Variants in KIF21A observed in about 807,000 individuals in gnomAD.
The protein encoded by KIF21A is kinesin family member 21A, also known as kinesin-like protein KIF21A.
KIF21A carries 114 observed loss-of-function variants against 202.9 expected under a neutral mutation model. The observed-to-expected ratio is 0.56, with a 90% CI of 0.48 to 0.66. The LOEUF (loss-of-function observed/expected upper bound fraction) is 0.66, where lower values mean the gene tolerates loss of function less well. KIF21A is among the 30% of genes least tolerant of loss of function. The pLI is 0.00. For synonymous variants in KIF21A, 667 were observed against 670.8 expected, an observed-to-expected ratio of 0.99 and a Z score of 0.09; for missense variants, 1,677 against 1,994.9, an observed-to-expected ratio of 0.84 and a Z score of 3.04.
chr12:39,383,485 T>C (rs972745860), intron 1 of KIF21A, among the ~76,000 whole-genome samples: 1 of 152,140 alleles, frequency 6.6e-6, no homozygotes, highest in Non-Finnish European at 1.5e-5. Context: ...TAGGAAGAAA[T>C]CCTCCTAGAG....
intron 1 of KIF21A, among the ~76,000 whole-genome samples, chr12:39,417,059 C>A (rs1176514532): frequency 6.6e-6 from 1 of 151,586 alleles, no homozygotes; most frequent in Non-Finnish European, 1.5e-5. Flanking sequence ...CCAGAACTAG[C>A]ATGAAGGCCA....
intron 15 of KIF21A, 83 bp downstream of exon 15, chr12:39,340,823 T>A: frequency 1.0e-6 from 1 of 972,012 alleles, no homozygotes; most frequent in East Asian, 2.6e-5. Flanking sequence ...ACGGCTTCTA[T>A]TTTTTTTCTT....
intron 4 of KIF21A, 84 bp from the exon 5 acceptor site, chr12:39,367,248 C>G: frequency 2.8e-6 from 4 of 1,420,154 alleles, no homozygotes; most frequent in Non-Finnish European, 4.0e-6. Context: ...ATGGCTAAAA[C>G]CCACCATGTT....
intron 1 of KIF21A, among the ~76,000 whole-genome samples, chr12:39,396,596 A>T (rs1951776568): frequency 6.6e-6 from 1 of 152,172 alleles, no homozygotes; most frequent in South Asian, 2.1e-4. Context: ...TTGCGCACTA[A>T]ATTATTATAT....
At chr12:39,353,427 C>T (rs192605136) in intron 10 of KIF21A, among the ~76,000 whole-genome samples, 1 of 152,072 alleles carries the variant, frequency 6.6e-6, no homozygotes, top group East Asian at 1.9e-4. Context: ...GTGCAAACTT[C>T]TAGGTTAATT....
intron 11 of KIF21A, among the ~76,000 whole-genome samples, chr12:39,347,229 A>G (rs1592263809): frequency 1.3e-5 from 2 of 151,532 alleles, no homozygotes; most frequent in East Asian, 3.9e-4. Context: ...CTATAAAGCA[A>G]CAGTGGCAAA....
chr12:39,427,115 C>T (rs1954826590), intron 1 of KIF21A, among the ~76,000 whole-genome samples: 1 of 152,090 alleles, frequency 6.6e-6, no homozygotes, highest in African/African-American at 2.4e-5. Context: ...TGCATTTCCC[C>T]ATCAAACTAT....
chr12:39,340,016 A>T (rs752258332), intron 16 of KIF21A, 149 bp downstream of exon 16: 2 of 662,362 alleles, frequency 3.0e-6, no homozygotes, highest in South Asian at 4.0e-5. Context: ...ATTAGAAACA[A>T]CTTCTAATTG....
chr12:39,406,312 T>C (rs953794647), intron 1 of KIF21A, among the ~76,000 whole-genome samples: 1 of 152,242 alleles, frequency 6.6e-6, no homozygotes, highest in Non-Finnish European at 1.5e-5. Context: ...CATTGTATTA[T>C]CTTCAGACAG....
intron 27 of KIF21A, chr12:39,322,467 G>A: frequency 2.0e-6 from 1 of 501,318 alleles, no homozygotes; most frequent in Non-Finnish European, 3.5e-6. Context: ...ACAAGACAAA[G>A]CAATTCAACA....
In KIF21A at chr12:39,378,825, C is replaced by T. The variant is rs141977462; in HGVS notation, c.45-8564G>A. ...TGAAATATTGTATACAAAGGATAAACGGAATAAAGATTAGCCAGAGGGTAA... is the reference window on the plus strand; with the variant it reads ...TGAAATATTGTATACAAAGGATAAATGGAATAAAGATTAGCCAGAGGGTAA... On this transcript the variant is annotated intron_variant, in intron 1 of 37. Coordinates refer to ENST00000361418, the MANE Select transcript of KIF21A (RefSeq NM_001173464.2). Among the ~76,000 whole-genome samples the T allele has an allele frequency of 2.8e-4, 43 of 151,950 alleles. 1 individual carries two copies. The East Asian group carries it at 7.4e-3, about 26-fold the overall frequency.
intron 1 of KIF21A, among the ~76,000 whole-genome samples, chr12:39,427,068 A>G (rs1954822939): frequency 6.6e-6 from 1 of 152,118 alleles, no homozygotes; most frequent in Admixed American, 6.6e-5. Flanking sequence ...AGGCTCTCCC[A>G]GCTGGACTGA....
In KIF21A at chr12:39,340,252, T is replaced by C; in HGVS notation, c.2223A>G (p.Glu741=). 1.2e-6 allele frequency: 2 copies of C among 1,613,328 alleles called. No individual in the cohort carries two copies. Among genetic ancestry groups the C allele is most frequent in the South Asian group, 2.2e-5 (2 of 90,910 alleles). ...ACTGATTTTTAAGCAACCTTGCATG[T>C]TCTTTTTGAGCTGCTTGAAGTCTCT... is the stretch of plus-strand genomic sequence containing the variant. ...ELQRLQAAQK[E]HARLLKNQSQ... The change falls in exon 16 of 38, where the codon GAA becomes GAG. Residue 741 remains glutamate (E), a synonymous_variant. Transcript: ENST00000361418.
At chr12:39,414,172 T>G (rs1170041127) in intron 1 of KIF21A, among the ~76,000 whole-genome samples, 2 of 152,236 alleles carry the variant, frequency 1.3e-5, no homozygotes, top group Non-Finnish European at 2.9e-5. Flanking sequence ...GATGTTTCAC[T>G]CAAGGAATTA....
chr12:39,425,891 C>A (rs1323055386), intron 1 of KIF21A, among the ~76,000 whole-genome samples: 7 of 144,578 alleles, frequency 4.8e-5, no homozygotes, highest in African/African-American at 1.8e-4. Context: ...CAAGAGCTAG[C>A]TACTCTGAAA....
intron 28 of KIF21A, among the ~76,000 whole-genome samples, chr12:39,318,742 G>A (rs1385924985): frequency 2.0e-5 from 3 of 152,198 alleles, no homozygotes; most frequent in Non-Finnish European, 1.5e-5. Flanking sequence ...AGCACTTTGG[G>A]AGGCCGAGGC....
chr12:39,427,518 T>A (rs1680971756), intron 1 of KIF21A, among the ~76,000 whole-genome samples: 1 of 152,200 alleles, frequency 6.6e-6, no homozygotes, highest in African/African-American at 2.4e-5. Flanking sequence ...GAACTCAAAG[T>A]CCAACAGCAT....
chr12:39,322,234 A>C (rs1327674702), intron 27 of KIF21A: 2 of 154,622 alleles, frequency 1.3e-5, no homozygotes, highest in African/African-American at 4.8e-5. Context: ...TTTTTCTTTA[A>C]AAGTCAGCAA....
At chr12:39,353,368 C>T (rs998403195) in intron 10 of KIF21A, among the ~76,000 whole-genome samples, 2 of 152,092 alleles carry the variant, frequency 1.3e-5, no homozygotes, top group Admixed American at 1.3e-4. Context: ...TATGTGATAC[C>T]ATATGCGAGC....
Sources: gnomAD v4.1 joint callset for allele counts (sites outside exome capture counted in the v4.1 genomes callset) on GRCh38, gnomAD v4.1.1 for gene constraint, MANE v1.5 for transcripts, NCBI Gene and HGNC (gene_info 2026-07-23, HGNC 2026-07-21) for gene names.